LARGE1: variants seen among roughly 807,000 people sequenced by gnomAD.
LARGE1 encodes LARGE xylosyl- and glucuronyltransferase 1.
Under a neutral mutation model 87.6 loss-of-function variants are expected in LARGE1, and 43 were observed. The observed-to-expected ratio is 0.49, with a 90% confidence interval of 0.38 to 0.63. LARGE1 has a LOEUF of 0.63. Ranked by LOEUF, LARGE1 falls within the 30% of genes least tolerant of loss-of-function variation. The pLI, the probability that LARGE1 is intolerant of heterozygous loss-of-function variation, is 0.00. For synonymous variants in LARGE1, 434 were observed against 394.6 expected (o/e 1.10, Z -1.18); for missense variants, 802 against 1,000.2 (o/e 0.80, Z 2.67).
At chr22:33,257,201 G>A (rs369964969) in intron 11 of LARGE1, among the ~76,000 whole-genome samples, 17 of 152,020 alleles carry the variant, frequency 1.1e-4, no homozygotes, top group Non-Finnish European at 1.6e-4. Context: ...GCAAAACTCC[G>A]TCTCAAAAAT....
At chr22:33,364,393 T>C (rs1350646120) in intron 9 of LARGE1, among the ~76,000 whole-genome samples, 4 of 152,172 alleles carry the variant, frequency 2.6e-5, no homozygotes, top group Non-Finnish European at 5.9e-5. Flanking sequence ...TCCCATCTTT[T>C]GTTTTTTCAA....
At chr22:33,281,845 C>T (rs1930500301) in intron 13 of LARGE1, among the ~76,000 whole-genome samples, 1 of 152,160 alleles carries the variant, frequency 6.6e-6, no homozygotes, top group Admixed American at 6.5e-5. Context: ...AACGAACAAC[C>T]CACCTCATAA....
intron 6 of LARGE1, among the ~76,000 whole-genome samples, chr22:33,510,994 C>T (rs908070862): frequency 6.6e-6 from 1 of 152,114 alleles, no homozygotes; most frequent in Non-Finnish European, 1.5e-5. Flanking sequence ...CAAATGAACC[C>T]AATTCAAGGT....
At chr22:33,438,609 G>A (rs2067357457) in intron 6 of LARGE1, among the ~76,000 whole-genome samples, 1 of 152,130 alleles carries the variant, frequency 6.6e-6, no homozygotes, top group Admixed American at 6.5e-5. Context: ...CCTTCTGCAG[G>A]TTTTGGCTCA....
intron 11 of LARGE1, among the ~76,000 whole-genome samples, chr22:33,263,939 G>A (rs1401543086): frequency 6.6e-6 from 1 of 152,188 alleles, no homozygotes; most frequent in Non-Finnish European, 1.5e-5. Context: ...ATGACTTTGG[G>A]CAAATTACTT....
chr22:33,755,569 T>A (rs1176812677), intron 2 of LARGE1, among the ~76,000 whole-genome samples: 1 of 152,184 alleles, frequency 6.6e-6, no homozygotes, highest in East Asian at 1.9e-4. Flanking sequence ...AAAAGGTGAT[T>A]CTGATAGAAA....
At chr22:33,143,081 G>A in the LARGE1 span, among the ~76,000 whole-genome samples, 1 of 152,172 alleles carries the variant, frequency 6.6e-6, no homozygotes, top group South Asian at 2.1e-4. Flanking sequence ...GACAGGAAAT[G>A]AGACATATTC....
intron 1 of LARGE1, among the ~76,000 whole-genome samples, chr22:33,809,530 T>G (rs1332039308): frequency 6.6e-6 from 1 of 152,232 alleles, no homozygotes; most frequent in African/African-American, 2.4e-5. Flanking sequence ...AGTCTGAATT[T>G]CCAGAGAGGT....
intron 9 of LARGE1, among the ~76,000 whole-genome samples, chr22:33,373,615 GT>G (rs1435138196): frequency 1.3e-5 from 2 of 150,256 alleles, no homozygotes; most frequent in Non-Finnish European, 2.9e-5. Flanking sequence ...TCTCCTTTAA[GT>G]TTTCCATTCC....
chr22:33,649,811 C>G (rs1003803346), intron 3 of LARGE1, among the ~76,000 whole-genome samples: 2 of 152,142 alleles, frequency 1.3e-5, no homozygotes, highest in Non-Finnish European at 2.9e-5. Flanking sequence ...AATAAATATC[C>G]CACATTTCCA....
At chr22:33,510,937 A>G (rs890248839) in intron 6 of LARGE1, among the ~76,000 whole-genome samples, 1 of 152,192 alleles carries the variant, frequency 6.6e-6, no homozygotes, top group Admixed American at 6.5e-5. Context: ...AGGCTCTCCA[A>G]TGACTGGCAA....
At chr22:33,431,772 C>T (rs1282638350) in intron 7 of LARGE1, among the ~76,000 whole-genome samples, 3 of 152,122 alleles carry the variant, frequency 2.0e-5, no homozygotes, top group Non-Finnish European at 4.4e-5. Context: ...CTCAAGTGGA[C>T]GTGGAATGTG....
intron 7 of LARGE1, among the ~76,000 whole-genome samples, chr22:33,421,780 A>G (rs986513195): frequency 6.6e-5 from 10 of 152,224 alleles, no homozygotes; most frequent in African/African-American, 2.4e-4. Context: ...GGGTGCCAGG[A>G]CTACAGAAGG....
At chr22:33,074,709 A>G in the LARGE1 span, among the ~76,000 whole-genome samples, 4 of 152,066 alleles carry the variant, frequency 2.6e-5, no homozygotes, top group East Asian at 1.9e-4. Context: ...ACAAAAAAGA[A>G]AAAAAGAAAA....
the LARGE1 span, among the ~76,000 whole-genome samples, chr22:33,144,176 G>T: frequency 6.6e-6 from 1 of 151,912 alleles, no homozygotes; most frequent in Admixed American, 6.6e-5. Flanking sequence ...GTTGAAATTA[G>T]GGCCTGATTT....
intron 7 of LARGE1, among the ~76,000 whole-genome samples, chr22:33,394,258 GC>G (rs1416330510): frequency 4.0e-5 from 6 of 150,234 alleles, no homozygotes; most frequent in Non-Finnish European, 8.9e-5. Flanking sequence ...TAGTGCAGTG[GC>G]ACAATCTCGG....
At chr22:33,613,618 G>A (rs1410193124) in intron 4 of LARGE1, among the ~76,000 whole-genome samples, 2 of 152,092 alleles carry the variant, frequency 1.3e-5, no homozygotes, top group African/African-American at 4.8e-5. Flanking sequence ...TCAGCCTCCT[G>A]AGTAGCTGGG....
At chr22:33,595,090 C>T (rs551524441) in intron 5 of LARGE1, among the ~76,000 whole-genome samples, 20 of 152,220 alleles carry the variant, frequency 1.3e-4, no homozygotes, top group African/African-American at 4.6e-4. Flanking sequence ...AAACACATGT[C>T]CTCTCTGTGG....
intron 1 of LARGE1, among the ~76,000 whole-genome samples, chr22:33,902,332 C>T (rs2065306177): frequency 6.6e-6 from 1 of 152,184 alleles, no homozygotes; most frequent in Non-Finnish European, 1.5e-5. Context: ...AGACAGAGTC[C>T]TGCCTTAGGG....
Sources: gnomAD v4.1 joint callset for allele counts (sites outside exome capture counted in the v4.1 genomes callset) on GRCh38, gnomAD v4.1.1 for gene constraint, MANE v1.5 for transcripts, NCBI Gene and HGNC (gene_info 2026-07-23, HGNC 2026-07-21) for gene names.